The following RAD51B variants were observed in gnomAD, a reference collection of about 807,000 sequenced individuals.
RAD51B encodes DNA repair protein RAD51 homolog 2.
In RAD51B, 38 loss-of-function variants were observed where a neutral mutation model predicts 42.2. The ratio of observed to expected loss-of-function variants is 0.90; its 90% confidence interval spans 0.70 to 1.18. The LOEUF (loss-of-function observed/expected upper bound fraction) is 1.18. Among genes scored for constraint, RAD51B ranks in the 50% most tolerant of loss-of-function variants. The probability of loss-of-function intolerance (pLI) is 0.00; values close to 1 mark genes in which losing one functional copy is unlikely to be tolerated. For missense variants in RAD51B, 373 were observed against 400.7 expected (o/e 0.93, Z 0.59); for synonymous variants, 154 against 145.2 (o/e 1.06, Z -0.43).
intron 10 of RAD51B, among the ~76,000 whole-genome samples, chr14:68,521,269 C>T (rs527494102): frequency 6.6e-6 from 1 of 152,316 alleles, no homozygotes; most frequent in East Asian, 1.9e-4. Flanking sequence ...AAAGTACCAA[C>T]ATCAGAAAAG....
intron 7 of RAD51B, among the ~76,000 whole-genome samples, chr14:68,188,978 C>T (rs1413934613): frequency 6.6e-6 from 1 of 152,000 alleles, no homozygotes; most frequent in Non-Finnish European, 1.5e-5. Context: ...CTTTGCTCCT[C>T]CCCCTAGGCA....
chr14:68,550,687 T>G (rs970873515), intron 10 of RAD51B, among the ~76,000 whole-genome samples: 1 of 152,210 alleles, frequency 6.6e-6, no homozygotes, highest in Non-Finnish European at 1.5e-5. Context: ...TTCCTTCATA[T>G]GCAATATGGA....
At chr14:67,868,884 T>G (rs2042423431) in intron 5 of RAD51B, among the ~76,000 whole-genome samples, 1 of 152,238 alleles carries the variant, frequency 6.6e-6, no homozygotes, top group South Asian at 2.1e-4. Flanking sequence ...TCCTGTCTGT[T>G]AGAAGGAAAA....
At chr14:68,123,070 CT>C (rs2077683095) in intron 7 of RAD51B, among the ~76,000 whole-genome samples, 2 of 152,060 alleles carry the variant, frequency 1.3e-5, no homozygotes, top group South Asian at 4.1e-4. Context: ...GAAAAAGAGA[CT>C]TTCTTTTCAG....
intron 7 of RAD51B, among the ~76,000 whole-genome samples, chr14:67,897,047 C>T (rs2043445427): frequency 1.3e-5 from 2 of 152,004 alleles, no homozygotes; most frequent in South Asian, 4.1e-4. Flanking sequence ...TTCACATGCA[C>T]AAGAATGAGA....
At chr14:68,302,646 T>G (rs989245703) in intron 8 of RAD51B, among the ~76,000 whole-genome samples, 5 of 152,178 alleles carry the variant, frequency 3.3e-5, no homozygotes, top group African/African-American at 1.2e-4. Context: ...CAAACAGAGA[T>G]TTATCCACAT....
intron 7 of RAD51B, among the ~76,000 whole-genome samples, chr14:68,264,958 T>C (rs900734001): frequency 6.6e-6 from 1 of 152,208 alleles, no homozygotes; most frequent in African/African-American, 2.4e-5. Flanking sequence ...CATATAATAC[T>C]TCCCACAGGG....
At chr14:68,408,081 C>T (rs756693687) in intron 8 of RAD51B, among the ~76,000 whole-genome samples, 4 of 152,042 alleles carry the variant, frequency 2.6e-5, no homozygotes, top group Non-Finnish European at 4.4e-5. Context: ...GCACAGACAA[C>T]AGGCAACTAA....
intron 10 of RAD51B, among the ~76,000 whole-genome samples, chr14:68,603,285 CAT>C (rs1353094950): frequency 6.6e-6 from 1 of 152,166 alleles, no homozygotes; most frequent in Non-Finnish European, 1.5e-5. Context: ...CTTATGAAAT[CAT>C]AAACTGTAGT....
At chr14:67,903,759 C>T (rs778312387) in intron 7 of RAD51B, among the ~76,000 whole-genome samples, 40 of 152,002 alleles carry the variant, frequency 2.6e-4, no homozygotes, top group Non-Finnish European at 5.0e-4. Flanking sequence ...TTCTTTCCAA[C>T]TTTTATTTAA....
Position 68,028,956 on chromosome 14 carries a change from G to T in RAD51B, c.756+141752G>T, listed in dbSNP as rs542037955. Among the ~76,000 whole-genome samples, 4 of 152,316 alleles carry T rather than the reference G, an allele frequency of 2.6e-5. No homozygotes were observed. The South Asian group carries it at 8.3e-4, about 32-fold the overall frequency. On this transcript the variant is annotated intron_variant, in intron 7 of 10. Transcript: ENST00000471583. The stretch of plus-strand genomic sequence containing the variant: ...AGCCCTGATTCTGTCTACTCCCTGG[G>T]CATATCCCTTTGCCAGCTCAAATAT...
At chr14:68,348,316 A>T (rs2082713484) in intron 8 of RAD51B, among the ~76,000 whole-genome samples, 1 of 152,192 alleles carries the variant, frequency 6.6e-6, no homozygotes, top group Admixed American at 6.5e-5. Context: ...AAAAGTGAAG[A>T]ATCTATGGTA....
chr14:67,821,753 T>G (rs968753447), intron 1 of RAD51B, among the ~76,000 whole-genome samples: 2 of 152,180 alleles, frequency 1.3e-5, no homozygotes, highest in Admixed American at 6.5e-5. Flanking sequence ...TGAGCTACCT[T>G]GTGTGGCCTA....
chr14:68,628,875 C>T (rs987523911), intron 10 of RAD51B, among the ~76,000 whole-genome samples: 3 of 152,180 alleles, frequency 2.0e-5, no homozygotes, highest in Admixed American at 6.5e-5. Context: ...GGCATGAACC[C>T]GCGAAGCCAG....
intron 10 of RAD51B, among the ~76,000 whole-genome samples, chr14:68,624,872 GCCT>G (rs1156571125): frequency 6.6e-6 from 1 of 152,190 alleles, no homozygotes; most frequent in Non-Finnish European, 1.5e-5. Context: ...GCCCTCCCAT[GCCT>G]CGTGGGAGTA....
At chr14:67,825,696 T>C in intron 3 of RAD51B, 119 bp downstream of exon 3, 2 of 716,510 alleles carry the variant, frequency 2.8e-6, no homozygotes, top group Non-Finnish European at 4.2e-6. Context: ...TACTGAGTTT[T>C]CTACTATAGA....
chr14:67,823,905 A>C (rs146594249), intron 2 of RAD51B, among the ~76,000 whole-genome samples: 1 of 152,362 alleles, frequency 6.6e-6, no homozygotes, highest in East Asian at 1.9e-4. Context: ...CATGAGAAAT[A>C]GGACTCAAAT....
intron 7 of RAD51B, among the ~76,000 whole-genome samples, chr14:67,999,185 G>A (rs1595231844): frequency 6.6e-6 from 1 of 152,032 alleles, no homozygotes; most frequent in East Asian, 1.9e-4. Flanking sequence ...TAACTTTTTT[G>A]TATATTTTTC....
intron 10 of RAD51B, among the ~76,000 whole-genome samples, chr14:68,513,456 T>C (rs1179745035): frequency 6.6e-6 from 1 of 152,234 alleles, no homozygotes; most frequent in Non-Finnish European, 1.5e-5. Flanking sequence ...TGGTGGGCTC[T>C]GGGAAGTTAC....
Sources: gnomAD v4.1 joint callset for allele counts (sites outside exome capture counted in the v4.1 genomes callset) on GRCh38, gnomAD v4.1.1 for gene constraint, MANE v1.5 for transcripts, NCBI Gene and HGNC (gene_info 2026-07-23, HGNC 2026-07-21) for gene names.